Variants in USP34 observed in about 807,000 individuals in gnomAD.
The protein encoded by USP34 is ubiquitin specific peptidase 34.
A neutral mutation model predicts 460.3 loss-of-function variants in USP34; 70 were observed. The ratio of observed to expected loss-of-function variants is 0.15; its 90% CI spans 0.13 to 0.19. USP34 has a LOEUF of 0.19. Among genes scored for constraint, USP34 ranks in the 10% least tolerant of loss-of-function variants. The pLI is 1.00. For missense variants in USP34, 3,985 were observed against 4,236.2 expected (o/e 0.94, Z 1.65); for synonymous variants, 1,647 against 1,405.3 (o/e 1.17, Z -3.85).
chr2:61,309,734 T>C (rs1343067727), intron 27 of USP34, among the ~76,000 whole-genome samples: 1 of 152,182 alleles, frequency 6.6e-6, no homozygotes, highest in Non-Finnish European at 1.5e-5. Flanking sequence ...ATGAAGAGCT[T>C]AGAAAAAGAA....
In USP34 at chr2:61,188,204, A is replaced by G. The variant is rs1686500883; in HGVS notation, c.10539T>C (p.His3513=). 1.2e-6 allele frequency: 2 copies of G among 1,614,192 alleles called. No homozygotes were observed. Among genetic ancestry groups the G allele is most frequent in the Middle Eastern group, 1.7e-4 (1 of 6,060 alleles). ...TATCTAAAATGTCATGTTGCTGCAT[A>G]TGACTAAAGAGTCCTCTGGAATGGC... ...SCGHSRGLFS[H]MQQHDILDTL... Residue 3513 remains histidine, a synonymous_variant, in exon 80 of 80, where the codon CAT becomes CAC. Coordinates refer to ENST00000398571, the MANE Select transcript of USP34 (RefSeq NM_014709.4).
intron 58 of USP34, among the ~76,000 whole-genome samples, chr2:61,230,998 T>C (rs1687879324): frequency 6.6e-6 from 1 of 152,152 alleles, no homozygotes. Context: ...ACATCTCAAA[T>C]ATTCAGCTGA....
rs1260623019 is a variant in USP34, at chr2:61,203,404, A to G, written c.9385-141T>C. On this transcript the variant is annotated intron_variant, in intron 74 of 79. Transcript: ENST00000398571. ...ACCTAGTTTTAAAATCCAAATTTCT[A>G]GTAATGTTATGATCTTAATTGTCGT... 3.8e-6 allele frequency: 3 copies of G among 792,734 alleles called. No individual in the cohort carries two copies. The East Asian group carries it at 9.8e-5, about 26-fold the overall frequency. The allele number at this position is 792,734 out of a possible 1,614,324, so 49.1% of individuals were successfully genotyped here.
intron 41 of USP34, among the ~76,000 whole-genome samples, chr2:61,268,172 T>C (rs1164205484): frequency 6.6e-6 from 1 of 152,008 alleles, no homozygotes; most frequent in Non-Finnish European, 1.5e-5. Context: ...GTGACTGATA[T>C]GGTTTGGGTA....
chr2:61,421,630 C>T (rs977123197), intron 1 of USP34, among the ~76,000 whole-genome samples: 1 of 152,168 alleles, frequency 6.6e-6, no homozygotes, highest in African/African-American at 2.4e-5. Context: ...TTGCTAGTGT[C>T]TTCTCTTTAA....
At chr2:61,371,116 A>G (rs1328564306) in intron 8 of USP34, among the ~76,000 whole-genome samples, 2 of 152,222 alleles carry the variant, frequency 1.3e-5, no homozygotes, top group African/African-American at 2.4e-5. Context: ...ATGGCAGACC[A>G]AAGGATGGAC....
In USP34 at chr2:61,348,398, C is replaced by G. The variant is rs1190949214; in HGVS notation, c.1757G>C (p.Ser586Thr). ...ATTAACCTCATTGCTAGATCCATCA[C>G]TATGCCCACTACTGCTACCAGGACC... ...SSGPGSSSGH[S>T]DGSSNEVNSS... Residue 586 changes from serine (S) to threonine (T), a missense_variant, in exon 15 of 80, where the codon AGT becomes ACT. Ser to Thr is a moderately conservative substitution (Grantham distance 58, BLOSUM62 1). Transcript: ENST00000398571. 2 of 1,613,964 alleles carry G rather than the reference C, an allele frequency of 1.2e-6. No individual in the cohort carries two copies. The highest frequency in any genetic ancestry group is 1.1e-5 in the South Asian group (1 of 91,086).
At position 61,470,948 on chromosome 2, in the gene USP34, C is replaced by T. The variant is rs1336787615; in HGVS notation, c.-256G>A. 1.6e-5 allele frequency among the ~76,000 whole-genome samples: 1 copy of T among 61,186 alleles called. No homozygotes were observed. Among genetic ancestry groups the T allele is most frequent in the Non-Finnish European group, 3.2e-5 (1 of 31,618 alleles). The allele number at this position is 61,186 out of a possible 152,430, so 40.1% of individuals were successfully genotyped here. A position where few individuals can be genotyped will look rare whatever the true frequency, so the allele number is the denominator to read the frequency against. On this transcript the variant is annotated 5_prime_UTR_variant, in exon 1 of 80. Coordinates refer to ENST00000398571, the MANE Select transcript of USP34 (RefSeq NM_014709.4). ...CGGAGGGGCGCCGAGGCGCCGGCGG[C>T]GGGGAAGGGGGGGAAGGACGGGGGG...
intron 10 of USP34, among the ~76,000 whole-genome samples, chr2:61,356,225 T>TTACCA (rs1481408476): frequency 6.6e-6 from 1 of 150,658 alleles, no homozygotes; most frequent in Admixed American, 6.6e-5. Context: ...CAGTGGCTCA[T>TTACCA]GCCTGTAATC....
chr2:61,199,324 C>T (rs138865991), intron 75 of USP34, among the ~76,000 whole-genome samples: 32 of 152,080 alleles, frequency 2.1e-4, no homozygotes, highest in Admixed American at 9.8e-4. Context: ...GGCGCCATCT[C>T]GGCTCACTGC....
intron 3 of USP34, 36 bp from the exon 4 acceptor site, chr2:61,395,269 A>G (rs1693482425): frequency 1.7e-6 from 2 of 1,176,636 alleles, no homozygotes; most frequent in African/African-American, 1.6e-5. Context: ...AAATTAGGTT[A>G]CAACTACTAA....
chr2:61,348,970 A>G (rs570398384), intron 13 of USP34, 84 bp from the exon 14 acceptor site: 1 of 1,430,564 alleles, frequency 7.0e-7, no homozygotes, highest in South Asian at 1.5e-5. Context: ...TGATTCCTTG[A>G]CCTAGTTACC....
chr2:61,255,247 A>G (rs752553109), intron 48 of USP34, among the ~76,000 whole-genome samples: 1 of 152,236 alleles, frequency 6.6e-6, no homozygotes, highest in Non-Finnish European at 1.5e-5. Flanking sequence ...CAAAGATAAC[A>G]ACAATACACT....
rs1686605458 is a variant in USP34, at chr2:61,190,493, ACT to A, written c.9729+23_9729+24del. The A allele has an allele frequency of 5.0e-6, 8 of 1,608,306 alleles. No individual in the cohort carries two copies. The East Asian group carries it at 1.8e-4, about 36-fold the overall frequency. The stretch of plus-strand genomic sequence containing the variant: ...AGCATTAACTAATTAGAAATGACAC[ACT>A]GAGTTTCCAAAGTACTACGTACCTT... On this transcript the variant is annotated intron_variant, in intron 77 of 79. Coordinates refer to ENST00000398571, the MANE Select transcript of USP34 (RefSeq NM_014709.4).
chr2:61,247,883 A>G (rs1160075358), intron 49 of USP34, among the ~76,000 whole-genome samples: 2 of 151,966 alleles, frequency 1.3e-5, no homozygotes, highest in Admixed American at 6.6e-5. Flanking sequence ...CACCCTTCCT[A>G]AAGAAGGATA....
At chr2:61,260,001 G>A (rs1256629730) in intron 43 of USP34, among the ~76,000 whole-genome samples, 1 of 152,180 alleles carries the variant, frequency 6.6e-6, no homozygotes, top group African/African-American at 2.4e-5. Flanking sequence ...AAACCGAAGA[G>A]AGAATTTTAA....
rs988228355 is a variant in USP34, at chr2:61,263,124, C to G, written c.5778+2273G>C. ...CCCAGGTTCAAGCGATTCTCCTGGC[C>G]CAGCGTCCCGAGTAGCTGGGACTAC... On this transcript the variant is annotated intron_variant, in intron 43 of 79. Transcript: ENST00000398571. Among the ~76,000 whole-genome samples the G allele has an allele frequency of 2.7e-5, 4 of 150,486 alleles. No homozygotes were observed. In the East Asian group the frequency reaches 7.9e-4, roughly 30 times the overall value.
intron 75 of USP34, chr2:61,194,261 C>T: frequency 1.0e-6 from 1 of 985,416 alleles, no homozygotes; most frequent in Non-Finnish European, 1.2e-6. Context: ...GCTACTTCCC[C>T]TTTATCCTAA....
chr2:61,428,726 A>C (rs750828598), intron 1 of USP34, among the ~76,000 whole-genome samples: 229 of 152,368 alleles, frequency 1.5e-3, no homozygotes, highest in Non-Finnish European at 1.3e-3. Flanking sequence ...CAACAAATAA[A>C]AAGAAAGAGG....
Sources: allele counts gnomAD v4.1 joint callset (sites outside exome capture counted in the v4.1 genomes callset), GRCh38; gene constraint gnomAD v4.1.1; transcripts MANE v1.5; gene names NCBI Gene and HGNC (gene_info 2026-07-23, HGNC 2026-07-21).